XXYLT1: variants seen among roughly 807,000 people sequenced by gnomAD.
XXYLT1 encodes xyloside xylosyltransferase 1, also known as UDP-xylose:alpha-xyloside alpha-1,3-xylosyltransferase.
A neutral mutation model predicts 28.9 loss-of-function variants in XXYLT1; 20 were observed. That is an observed-to-expected ratio of 0.69 (90% confidence interval 0.49 to 1.00). XXYLT1 has a LOEUF of 1.00. Among genes scored for constraint, XXYLT1 ranks in the 50% least tolerant of loss-of-function variants. The pLI, the probability that XXYLT1 is intolerant of heterozygous loss-of-function variation, is 0.00. For synonymous variants in XXYLT1, 257 were observed against 253.8 expected, an observed-to-expected ratio of 1.01 and a Z score of -0.12; for missense variants, 542 against 560.1, an observed-to-expected ratio of 0.97 and a Z score of 0.33.
At chr3:195,199,542 C>T (rs577586843) in intron 2 of XXYLT1, among the ~76,000 whole-genome samples, 2 of 151,920 alleles carry the variant, frequency 1.3e-5, no homozygotes, top group South Asian at 4.2e-4. Context: ...ACCCGGGAGG[C>T]GGAGCTTGCA....
intron 3 of XXYLT1, among the ~76,000 whole-genome samples, chr3:195,085,672 T>C (rs1715684585): frequency 6.6e-6 from 1 of 151,854 alleles, no homozygotes; most frequent in Non-Finnish European, 1.5e-5. Flanking sequence ...CCTAGTAGAG[T>C]TCCAGACTGA....
intron 3 of XXYLT1, among the ~76,000 whole-genome samples, chr3:195,154,470 G>C (rs983557675): frequency 2.6e-5 from 4 of 152,130 alleles, no homozygotes; most frequent in Non-Finnish European, 4.4e-5. Context: ...TGAAGATTAA[G>C]GGAGGGAGAG....
At chr3:195,189,186 C>G (rs960802271) in intron 2 of XXYLT1, among the ~76,000 whole-genome samples, 5 of 152,172 alleles carry the variant, frequency 3.3e-5, no homozygotes, top group African/African-American at 7.2e-5. Flanking sequence ...GACACCAGGG[C>G]AACCTCTAGG....
At chr3:195,099,046 G>A (rs1196062061) in intron 3 of XXYLT1, among the ~76,000 whole-genome samples, 1 of 152,214 alleles carries the variant, frequency 6.6e-6, no homozygotes, top group African/African-American at 2.4e-5. Flanking sequence ...CAAAGCTGTG[G>A]ATACCAAAGG....
chr3:195,100,084 G>C (rs772297010), intron 3 of XXYLT1, among the ~76,000 whole-genome samples: 18 of 151,900 alleles, frequency 1.2e-4, no homozygotes, highest in Non-Finnish European at 2.7e-4. Context: ...TGCAAATCTG[G>C]AACTTCCAGT....
chr3:195,213,788 G>A (rs554756738), intron 2 of XXYLT1, among the ~76,000 whole-genome samples: 7 of 152,298 alleles, frequency 4.6e-5, no homozygotes, highest in African/African-American at 1.7e-4. Flanking sequence ...TCAGGCCCTG[G>A]AACTTTTCAC....
intron 3 of XXYLT1, among the ~76,000 whole-genome samples, chr3:195,120,289 C>CCAA (rs1718287944): frequency 7.0e-6 from 1 of 142,810 alleles, no homozygotes; most frequent in Non-Finnish European, 1.6e-5. Flanking sequence ...CAGATGCCCC[C>CCAA]CCCGCCCCAG....
chr3:195,245,517 A>G (rs1202003635), intron 1 of XXYLT1, among the ~76,000 whole-genome samples: 3 of 152,062 alleles, frequency 2.0e-5, no homozygotes, highest in Non-Finnish European at 2.9e-5. Flanking sequence ...CCTGTTCTAG[A>G]GTGTCCCAAG....
At chr3:195,243,815 G>T (rs1192473892) in intron 1 of XXYLT1, among the ~76,000 whole-genome samples, 3 of 152,210 alleles carry the variant, frequency 2.0e-5, no homozygotes, top group Non-Finnish European at 4.4e-5. Flanking sequence ...ACCACAGGCT[G>T]GGCCCCTCCC....
intron 3 of XXYLT1, among the ~76,000 whole-genome samples, chr3:195,154,326 G>A (rs1279623874): frequency 2.0e-5 from 3 of 152,108 alleles, no homozygotes. Context: ...GCACTAGGAG[G>A]CAAAACGGTG....
chr3:195,226,917 C>T (rs899670567), intron 1 of XXYLT1, 61 bp from the exon 2 acceptor site: 3 of 1,577,062 alleles, frequency 1.9e-6, no homozygotes, highest in Non-Finnish European at 2.6e-6. Context: ...AAGCTCAACA[C>T]CCAACAAGCA....
chr3:195,175,987 T>A (rs1198090292), intron 2 of XXYLT1: 3 of 1,148,528 alleles, frequency 2.6e-6, no homozygotes, highest in Non-Finnish European at 3.4e-6. Context: ...ACAGAGGTCA[T>A]CAGTGTATAC....
In XXYLT1 at chr3:195,168,176, C is replaced by T. The variant is rs746517525; in HGVS notation, c.653-11595G>A. ...CCATGGGCAAGCCATCCCCAGCTGTCGCAGACTGTAAGGATGAGGGGTTTG... is the reference window on the plus strand; with the variant it reads ...CCATGGGCAAGCCATCCCCAGCTGTTGCAGACTGTAAGGATGAGGGGTTTG... On this transcript the variant is annotated intron_variant, in intron 2 of 3. Coordinates refer to ENST00000310380, the MANE Select transcript of XXYLT1 (RefSeq NM_152531.5). The surrounding 1 kb of genome is among the most constrained non-coding windows in gnomAD (Gnocchi z 4.3). Among the ~76,000 whole-genome samples the T allele has an allele frequency of 4.6e-5, 7 of 152,204 alleles. No homozygotes were observed. Among genetic ancestry groups the T allele is most frequent in the Non-Finnish European group, 1.0e-4 (7 of 68,042 alleles).
rs1462507049 is a variant in XXYLT1, at chr3:195,173,275, G to A, written c.653-16694C>T. 6.6e-6 allele frequency among the ~76,000 whole-genome samples: 1 copy of A among 152,236 alleles called. No individual in the cohort carries two copies. Among genetic ancestry groups the A allele is most frequent in the African/African-American group, 2.4e-5 (1 of 41,466 alleles). On this transcript the variant is annotated intron_variant, in intron 2 of 3. Transcript: ENST00000310380. This position sits in a 1 kb window ranked among gnomAD's most constrained non-coding sequence, Gnocchi z 4.3. ...TTGTGAGGCTGGGGCCAAAGACAGA[G>A]AGTGTAGCTGCTACTCCTCAAGGAA...
rs1486688331 is a variant in XXYLT1 at position 195,078,317 on chromosome 3, G to A, written c.786-8206C>T. 6.6e-6 allele frequency among the ~76,000 whole-genome samples: 1 copy of A among 152,042 alleles called. No homozygotes were observed. The highest frequency in any genetic ancestry group is 1.5e-5 in the Non-Finnish European group (1 of 68,008). On this transcript the variant is annotated intron_variant, in intron 3 of 3. Transcript: ENST00000310380. The surrounding 1 kb of genome is among the most constrained non-coding windows in gnomAD (Gnocchi z 5.0). ...AGGAGCCAGGAAGATGCAGGGCGTT[G>A]GAGGACCCCGGCCACCTGTCCCTCA...
At chr3:195,171,734 A>G (rs530080337) in intron 2 of XXYLT1, among the ~76,000 whole-genome samples, 3 of 152,342 alleles carry the variant, frequency 2.0e-5, no homozygotes, top group Non-Finnish European at 4.4e-5. Context: ...GTCTGTATTC[A>G]TGGTCTGGTT....
At chr3:195,079,110 T>C (rs1412645850) in intron 3 of XXYLT1, among the ~76,000 whole-genome samples, 6 of 152,172 alleles carry the variant, frequency 3.9e-5, no homozygotes, top group Non-Finnish European at 5.9e-5. Context: ...CCTTACCCAG[T>C]GTCATCTGCC....
chr3:195,141,275 A>C (rs1719473708), intron 3 of XXYLT1, among the ~76,000 whole-genome samples: 1 of 152,206 alleles, frequency 6.6e-6, no homozygotes, highest in Non-Finnish European at 1.5e-5. Context: ...TTCCAGTGCA[A>C]GAATAGTCCA....
At chr3:195,127,772 ATG>A (rs3073344) in intron 3 of XXYLT1, among the ~76,000 whole-genome samples, 1 of 151,432 alleles carries the variant, frequency 6.6e-6, no homozygotes, top group Non-Finnish European at 1.5e-5. Flanking sequence ...GTGAGACAAA[ATG>A]TGTGTGTGTG....
Sources: allele counts gnomAD v4.1 joint callset (sites outside exome capture counted in the v4.1 genomes callset), GRCh38; gene constraint gnomAD v4.1.1; non-coding constraint Gnocchi (gnomAD v3.1); transcripts MANE v1.5; gene names NCBI Gene and HGNC (gene_info 2026-07-23, HGNC 2026-07-21).